The following R3HCC1L variants were observed in gnomAD, a reference collection of about 807,000 sequenced individuals.
The protein encoded by R3HCC1L is coiled-coil domain-containing protein R3HCC1L.
In R3HCC1L, 51 loss-of-function variants were observed where a neutral mutation model predicts 59.9. The observed-to-expected ratio is 0.85, with a 90% CI of 0.68 to 1.07. R3HCC1L has a LOEUF of 1.07. Ranked by LOEUF, R3HCC1L falls within the 50% of genes least tolerant of loss-of-function variation. The probability of loss-of-function intolerance (pLI) is 0.00; values close to 1 mark genes in which losing one functional copy is unlikely to be tolerated. For synonymous variants in R3HCC1L, 322 were observed against 315.2 expected, an observed-to-expected ratio of 1.02 and a Z score of -0.23; for missense variants, 965 against 933.0, an observed-to-expected ratio of 1.03 and a Z score of -0.45.
intron 4 of R3HCC1L, among the ~76,000 whole-genome samples, chr10:98,203,994 T>C (rs1407098645): frequency 2.6e-5 from 4 of 152,240 alleles, no homozygotes; most frequent in African/African-American, 9.6e-5. Flanking sequence ...CTGATGGTCC[T>C]TCAAGCATAA....
intron 4 of R3HCC1L, chr10:98,174,796 G>A (rs765091044): frequency 1.7e-5 from 16 of 969,520 alleles, no homozygotes; most frequent in Admixed American, 6.2e-5. Context: ...TGTATGCTCT[G>A]GTGAATCTAA....
intron 4 of R3HCC1L, among the ~76,000 whole-genome samples, chr10:98,191,886 G>A (rs540732094): frequency 2.6e-5 from 4 of 152,216 alleles, no homozygotes; most frequent in South Asian, 4.1e-4. Flanking sequence ...GTGCAGTGGC[G>A]TGATCTCGGC....
intron 4 of R3HCC1L, among the ~76,000 whole-genome samples, chr10:98,167,507 T>G (rs946604803): frequency 6.6e-6 from 1 of 152,250 alleles, no homozygotes; most frequent in East Asian, 1.9e-4. Context: ...TGTGATTTGG[T>G]ATTTTAAAAA....
Position 98,208,858 on chromosome 10 carries a change from A to G in R3HCC1L, c.744A>G (p.Gln248=), listed in dbSNP as rs761884500. Residue 248 remains glutamine (Q), a synonymous_variant, in exon 5 of 10, where the codon CAA becomes CAG. Transcript: ENST00000298999. ...GCTCTGATTCTGAAATTGTACAACA[A>G]AGCATGCAAACATCAGATGGAATAT... ...KLSSDSEIVQ[Q]SMQTSDGILN... is the part of the protein sequence containing the mutation. The G allele has an allele frequency of 6.2e-7, 1 of 1,614,054 alleles. No individual in the cohort carries two copies. The highest frequency in any genetic ancestry group is 8.5e-7 in the Non-Finnish European group (1 of 1,180,024).
At chr10:98,218,316 C>A (rs1854451451) in intron 5 of R3HCC1L, among the ~76,000 whole-genome samples, 1 of 150,084 alleles carries the variant, frequency 6.7e-6, no homozygotes, top group South Asian at 2.1e-4. Flanking sequence ...ACATTTTTTA[C>A]AAAAATCAAC....
At chr10:98,227,346 C>T (rs1409555493) in intron 5 of R3HCC1L, among the ~76,000 whole-genome samples, 8 of 152,126 alleles carry the variant, frequency 5.3e-5, no homozygotes, top group African/African-American at 1.9e-4. Context: ...TCACCTTCCT[C>T]CTTCTCCCAA....
intron 1 of R3HCC1L, among the ~76,000 whole-genome samples, chr10:98,135,210 C>T (rs1034559581): frequency 6.6e-6 from 1 of 152,170 alleles, no homozygotes; most frequent in African/African-American, 2.4e-5. Context: ...TTTTTCTTGG[C>T]AGGCCTGCGA....
intron 1 of R3HCC1L, among the ~76,000 whole-genome samples, chr10:98,138,261 A>G (rs747137010): frequency 2.9e-4 from 44 of 152,088 alleles, no homozygotes; most frequent in African/African-American, 6.0e-4. Flanking sequence ...CTTCTTTCTT[A>G]CCTTTAGTTA....
chr10:98,208,821 C>G lies in R3HCC1L; in HGVS notation c.707C>G (p.Pro236Arg), dbSNP rs746235395. ...ATGAAACCTGAGAATATGATTGTAC[C>G]AATAAAACTAAGCTCTGATTCTGAA... ...SVMKPENMIV[P>R]IKLSSDSEIV... Residue 236 changes from proline (P) to arginine (R), a missense_variant, in exon 5 of 10, where the codon CCA becomes CGA. Physicochemically the swap from Pro to Arg is moderately radical, Grantham distance 103. Coordinates refer to ENST00000298999, the MANE Select transcript of R3HCC1L (RefSeq NM_001351015.2). 6.2e-7 allele frequency: 1 copy of G among 1,613,796 alleles called. No individual in the cohort carries two copies. The highest frequency in any genetic ancestry group is 1.3e-5 in the African/African-American group (1 of 74,876).
At chr10:98,169,907 G>A (rs963109627) in intron 4 of R3HCC1L, among the ~76,000 whole-genome samples, 1 of 138,418 alleles carries the variant, frequency 7.2e-6, no homozygotes, top group Non-Finnish European at 1.5e-5. Flanking sequence ...TTTTTTTGGA[G>A]TGAGTGCTTT....
chr10:98,168,563 C>T (rs1206607403), intron 4 of R3HCC1L, among the ~76,000 whole-genome samples: 1 of 152,082 alleles, frequency 6.6e-6, no homozygotes, highest in African/African-American at 2.4e-5. Flanking sequence ...TGTCTTGATA[C>T]TCAGTTTTTT....
chr10:98,186,058 A>C (rs1433770271), intron 4 of R3HCC1L, among the ~76,000 whole-genome samples: 7 of 152,210 alleles, frequency 4.6e-5, no homozygotes, highest in Admixed American at 4.6e-4. Context: ...GTATCCAGTA[A>C]AAATCTTGGT....
At chr10:98,152,917 C>G (rs572983588) in intron 1 of R3HCC1L, among the ~76,000 whole-genome samples, 28 of 150,972 alleles carry the variant, frequency 1.9e-4, no homozygotes, top group Non-Finnish European at 2.7e-4. Context: ...AGCCCCTGCC[C>G]GGCCAGTCGC....
At chr10:98,194,878 A>G (rs1851254368) in intron 4 of R3HCC1L, among the ~76,000 whole-genome samples, 1 of 152,182 alleles carries the variant, frequency 6.6e-6, no homozygotes, top group African/African-American at 2.4e-5. Context: ...GGGATTGTAC[A>G]ATGGCACAGC....
At chr10:98,225,637 CTTTG>C (rs1412084182) in intron 5 of R3HCC1L, among the ~76,000 whole-genome samples, 1 of 152,240 alleles carries the variant, frequency 6.6e-6, no homozygotes, top group South Asian at 2.1e-4. Context: ...AACTCGTAGC[CTTTG>C]TTTGTTTCAT....
chr10:98,244,206 A>G lies in R3HCC1L; in HGVS notation c.*48A>G, dbSNP rs201370619. 3 of 1,554,550 alleles carry G rather than the reference A, an allele frequency of 1.9e-6. No homozygotes were observed. The East Asian group carries it at 6.7e-5, about 35-fold the overall frequency. ...ATTCCATGAATCAGAAAATGTTTCCATAGCCTTCAGATAAGATGATCCTTC... is the reference window on the plus strand; with the variant it reads ...ATTCCATGAATCAGAAAATGTTTCCGTAGCCTTCAGATAAGATGATCCTTC... On this transcript the variant is annotated 3_prime_UTR_variant, in exon 10 of 10. Transcript: ENST00000298999.
chr10:98,182,774 G>T (rs568042577), intron 4 of R3HCC1L, among the ~76,000 whole-genome samples: 1 of 152,284 alleles, frequency 6.6e-6, no homozygotes, highest in South Asian at 2.1e-4. Context: ...CCAGGCTGCT[G>T]CCTCGCAGTT....
intron 2 of R3HCC1L, among the ~76,000 whole-genome samples, chr10:98,160,030 C>T (rs1201601721): frequency 6.6e-6 from 1 of 152,212 alleles, no homozygotes; most frequent in African/African-American, 2.4e-5. Flanking sequence ...TCTGACCCAA[C>T]ACTACAGGGT....
intron 9 of R3HCC1L, among the ~76,000 whole-genome samples, chr10:98,238,743 G>GA (rs957976922): frequency 1.8e-4 from 27 of 150,492 alleles, no homozygotes; most frequent in East Asian, 3.9e-4. Flanking sequence ...TTTTCTCCCA[G>GA]AAAAAAAAAC....
Sources: allele counts gnomAD v4.1 joint callset (sites outside exome capture counted in the v4.1 genomes callset), GRCh38; gene constraint gnomAD v4.1.1; transcripts MANE v1.5; gene names NCBI Gene and HGNC (gene_info 2026-07-23, HGNC 2026-07-21).